Variants in ANKRD30BL observed in about 807,000 individuals in gnomAD.
ANKRD30BL encodes the protein ankyrin repeat domain 30B like.
In ANKRD30BL, 20 loss-of-function variants were observed where a neutral mutation model predicts 18.4. The ratio of observed to expected loss-of-function variants is 1.09; its 90% confidence interval spans 0.77 to 1.58. ANKRD30BL has a LOEUF of 1.58. Ranked by LOEUF, ANKRD30BL falls within the 40% of genes most tolerant of loss-of-function variation. The probability of loss-of-function intolerance (pLI) is 0.00; values close to 1 mark genes in which losing one functional copy is unlikely to be tolerated. For missense variants in ANKRD30BL, 224 were observed against 268.6 expected, an observed-to-expected ratio of 0.83 and a Z score of 1.16; for synonymous variants, 72 against 100.9, an observed-to-expected ratio of 0.71 and a Z score of 1.72.
At chr2:132,236,118 G>A (rs981814201) in intron 1 of ANKRD30BL, among the ~76,000 whole-genome samples, 2 of 151,942 alleles carry the variant, frequency 1.3e-5, no homozygotes, top group African/African-American at 4.8e-5. Flanking sequence ...AATGGTGCTG[G>A]GAAAACTGGC....
At chr2:132,202,213 G>C (rs1679115938) in intron 1 of ANKRD30BL, among the ~76,000 whole-genome samples, 1 of 152,084 alleles carries the variant, frequency 6.6e-6, no homozygotes, top group Admixed American at 6.6e-5. Context: ...AGTGGGTGCA[G>C]TGCACCAGCA....
intron 1 of ANKRD30BL, among the ~76,000 whole-genome samples, chr2:132,237,495 G>T (rs1490567648): frequency 3.3e-5 from 5 of 151,876 alleles, no homozygotes; most frequent in Non-Finnish European, 7.4e-5. Context: ...TTTGTGATGT[G>T]TGCATTCAGC....
At chr2:132,208,082 T>C (rs1314508291) in intron 1 of ANKRD30BL, among the ~76,000 whole-genome samples, 1 of 152,104 alleles carries the variant, frequency 6.6e-6, no homozygotes, top group Non-Finnish European at 1.5e-5. Flanking sequence ...GCTGGCTCCA[T>C]AGGAAAATTC....
At chr2:132,198,658 C>A (rs575176891) in intron 1 of ANKRD30BL, among the ~76,000 whole-genome samples, 1 of 148,852 alleles carries the variant, frequency 6.7e-6, no homozygotes, top group African/African-American at 2.5e-5. Context: ...TGCTCTGTTG[C>A]CCCAGGCTGC....
At chr2:132,256,320 G>C (rs1262314513) in intron 1 of ANKRD30BL, among the ~76,000 whole-genome samples, 2 of 143,582 alleles carry the variant, frequency 1.4e-5, no homozygotes, top group Non-Finnish European at 3.1e-5. Flanking sequence ...TGGGAGGGGG[G>C]TGGTGGGGCG....
At chr2:132,178,506 G>A (rs1573818900) in intron 1 of ANKRD30BL, among the ~76,000 whole-genome samples, 2 of 152,190 alleles carry the variant, frequency 1.3e-5, no homozygotes, top group Admixed American at 1.3e-4. Flanking sequence ...GGGACATTAG[G>A]TACTGATGTG....
intron 1 of ANKRD30BL, among the ~76,000 whole-genome samples, chr2:132,233,136 G>C (rs1258290851): frequency 6.9e-6 from 1 of 145,592 alleles, no homozygotes; most frequent in Non-Finnish European, 1.5e-5. Flanking sequence ...AGCAAATGCT[G>C]AGAGATTTTG....
At chr2:132,175,943 C>T (rs1007939139) in intron 1 of ANKRD30BL, among the ~76,000 whole-genome samples, 14 of 152,142 alleles carry the variant, frequency 9.2e-5, no homozygotes, top group Non-Finnish European at 1.8e-4. Flanking sequence ...CATCTCAGGG[C>T]AAAGCAATTG....
At position 132,161,522 on chromosome 2, in the gene ANKRD30BL, T is replaced by C. The variant is rs1271198057; in HGVS notation, c.184A>G (p.Thr62Ala). ...GCATCTCTTATGTTCAGGTCCATTG[T>C]CGTCTTCTTCATCATCCTCTCCAGC... ...WKLERMMKKT[T>A]MDLNIRDAKK... Residue 62 changes from threonine to alanine, a missense_variant, in exon 1 of 6, where the codon ACA (threonine) becomes GCA (alanine). Thr to Ala is a moderately conservative substitution (Grantham distance 58, BLOSUM62 0). Coordinates refer to ENST00000409867, the MANE Select transcript of ANKRD30BL (RefSeq NM_001358416.1). 1.4e-6 allele frequency: 2 copies of C among 1,456,794 alleles called. No homozygotes were observed. Among genetic ancestry groups the C allele is most frequent in the East Asian group, 4.9e-5 (2 of 40,418 alleles). 90.2% of individuals were successfully genotyped at this position (1,456,794 alleles called of 1,614,324 possible). A position where few individuals can be genotyped will look rare whatever the true frequency, so the allele number is the denominator to read the frequency against.
chr2:132,246,782 A>G (rs1282829530), intron 1 of ANKRD30BL, among the ~76,000 whole-genome samples: 1 of 151,926 alleles, frequency 6.6e-6, no homozygotes, highest in Non-Finnish European at 1.5e-5. Flanking sequence ...GAGCTCTTTG[A>G]GGGCTATGGT....
chr2:132,148,012 C>T lies in ANKRD30BL; in HGVS notation c.*119G>A, dbSNP rs1358622767. ...GAGAACAAAGAACAGAGAAGCTGAACATACTGACATATTTGTTCTTTGATG... is the reference window on the plus strand; with the variant it reads ...GAGAACAAAGAACAGAGAAGCTGAATATACTGACATATTTGTTCTTTGATG... On this transcript the variant is annotated 3_prime_UTR_variant, in exon 6 of 6. Coordinates refer to ENST00000409867, the MANE Select transcript of ANKRD30BL (RefSeq NM_001358416.1). 1.4e-4 allele frequency: 102 copies of T among 735,458 alleles called. 1 individual carries two copies. The South Asian group carries it at 1.6e-3, about 12-fold the overall frequency. The allele number at this position is 735,458 out of a possible 1,614,324, so 45.6% of individuals were successfully genotyped here. A position where few individuals can be genotyped will look rare whatever the true frequency, so the allele number is the denominator to read the frequency against.
chr2:132,216,618 C>G, intron 1 of ANKRD30BL, among the ~76,000 whole-genome samples: 1 of 151,338 alleles, frequency 6.6e-6, no homozygotes, highest in Non-Finnish European at 1.5e-5. Context: ...TGATTGAGCA[C>G]CTTTGAAACA....
At chr2:132,233,017 T>A in intron 1 of ANKRD30BL, among the ~76,000 whole-genome samples, 2 of 150,706 alleles carry the variant, frequency 1.3e-5, no homozygotes, top group East Asian at 2.0e-4. Flanking sequence ...CAGAAGAGAG[T>A]GGGGGCCGAT....
rs552112089 is a variant in ANKRD30BL, at chr2:132,181,950, A to T, written n.442-24804T>A. On this transcript the variant is annotated intron_variant and non_coding_transcript_variant, in intron 1 of 4. Coordinates refer to the ANKRD30BL transcript ENST00000470729. ...AACATGGAGAAACCCCATCTCTACG[A>T]AAAATACAAAATTAGCCGGGCGTGG... is the stretch of plus-strand genomic sequence containing the variant. 4.3e-3 allele frequency among the ~76,000 whole-genome samples: 651 copies of T among 152,016 alleles called. 5 individuals are homozygous for T. The highest frequency in any genetic ancestry group is 0.015 in the African/African-American group (619 of 41,460).
chr2:132,182,470 G>T (rs1573821611), intron 1 of ANKRD30BL, among the ~76,000 whole-genome samples: 1 of 149,334 alleles, frequency 6.7e-6, no homozygotes, highest in East Asian at 2.0e-4. Flanking sequence ...GACAGAGCAA[G>T]ACTCCATCTC....
chr2:132,190,655 G>A (rs1678827154), intron 1 of ANKRD30BL, among the ~76,000 whole-genome samples: 2 of 152,110 alleles, frequency 1.3e-5, no homozygotes, highest in South Asian at 2.1e-4. Flanking sequence ...TGCAATATGA[G>A]TTTAGCATGG....
intron 1 of ANKRD30BL, among the ~76,000 whole-genome samples, chr2:132,221,245 T>G (rs1303951916): frequency 3.8e-3 from 360 of 93,814 alleles, no homozygotes; most frequent in Middle Eastern, 0.021. Flanking sequence ...GGTGAGGGGC[T>G]CCTCTGCCCG....
At chr2:132,167,803 T>G (rs1312489614) in intron 1 of ANKRD30BL, among the ~76,000 whole-genome samples, 1 of 152,214 alleles carries the variant, frequency 6.6e-6, no homozygotes, top group Non-Finnish European at 1.5e-5. Context: ...TTTATGTCTA[T>G]CTTCAAATAA....
chr2:132,235,463 T>G (rs1304036425), intron 1 of ANKRD30BL, among the ~76,000 whole-genome samples: 2 of 152,128 alleles, frequency 1.3e-5, no homozygotes, highest in African/African-American at 2.4e-5. Context: ...CAAAATCTCC[T>G]TCAGCTGATA....
Sources: gnomAD v4.1 joint callset for allele counts (sites outside exome capture counted in the v4.1 genomes callset) on GRCh38, gnomAD v4.1.1 for gene constraint, MANE v1.5 for transcripts, NCBI Gene and HGNC (gene_info 2026-07-23, HGNC 2026-07-21) for gene names.